Variants in CDK14 observed in about 807,000 individuals in gnomAD.
CDK14 encodes the protein cyclin dependent kinase 14.
A neutral mutation model predicts 60.7 loss-of-function variants in CDK14; 34 were observed. The observed-to-expected ratio is 0.56, with a 90% confidence interval of 0.43 to 0.75. The LOEUF is 0.75. Ranked by LOEUF, CDK14 falls within the 30% of genes least tolerant of loss-of-function variation. The pLI, the probability that CDK14 is intolerant of heterozygous loss-of-function variation, is 0.00. For missense variants in CDK14, 482 were observed against 564.1 expected (o/e 0.85, Z 1.47); for synonymous variants, 197 against 203.7 (o/e 0.97, Z 0.28).
At chr7:91,176,624 C>G (rs1425769251) in intron 14 of CDK14, among the ~76,000 whole-genome samples, 34 of 152,106 alleles carry the variant, frequency 2.2e-4, no homozygotes, top group East Asian at 7.7e-4. Flanking sequence ...TGATAAAGGG[C>G]ATATCACCAC....
rs371510411 is a variant in CDK14, at chr7:91,135,031, AAAAG to A, written c.*28+16824_*28+16827del. Among the ~76,000 whole-genome samples the A allele has an allele frequency of 5.8e-3, 884 of 152,296 alleles. 6 individuals carry two copies. The highest frequency in any genetic ancestry group is 0.021 in the African/African-American group (857 of 41,572). ...GTATACATATATATTTCTGTCAAAA[AAAAG>A]CAGTGTGTTTCATTTTAAATTTTCT... On this transcript the variant is annotated intron_variant, in intron 14 of 14. Coordinates refer to ENST00000380050, the MANE Select transcript of CDK14 (RefSeq NM_001287135.2).
chr7:90,848,228 A>G (rs911233661), intron 5 of CDK14, among the ~76,000 whole-genome samples: 1 of 152,108 alleles, frequency 6.6e-6, no homozygotes, highest in Non-Finnish European at 1.5e-5. Flanking sequence ...CAGCCTCCCA[A>G]ATAGCTGGGA....
chr7:90,685,089 C>A (rs1184770120), intron 2 of CDK14, among the ~76,000 whole-genome samples: 2 of 150,892 alleles, frequency 1.3e-5, no homozygotes, highest in East Asian at 3.9e-4. Context: ...AAAATATTTA[C>A]CTATAGTTTC....
intron 2 of CDK14, among the ~76,000 whole-genome samples, chr7:90,650,557 C>G (rs1563030760): frequency 6.6e-6 from 1 of 152,278 alleles, no homozygotes; most frequent in South Asian, 2.1e-4. Flanking sequence ...AATGGTATTG[C>G]CTAGGTTTTC....
intron 10 of CDK14, among the ~76,000 whole-genome samples, chr7:91,025,605 T>C (rs1451986036): frequency 1.3e-5 from 2 of 152,208 alleles, no homozygotes; most frequent in Non-Finnish European, 2.9e-5. Context: ...GTTGCTGCCT[T>C]CTTCTGACAA....
At chr7:90,699,884 A>T (rs1308872140) in intron 2 of CDK14, among the ~76,000 whole-genome samples, 2 of 152,182 alleles carry the variant, frequency 1.3e-5, no homozygotes, top group Non-Finnish European at 2.9e-5. Context: ...TGAGGGAATC[A>T]TGTGCTTCAG....
At chr7:90,824,793 A>G (rs1035625857) in intron 5 of CDK14, 1 of 152,208 alleles carries the variant, frequency 6.6e-6, no homozygotes, top group African/African-American at 2.4e-5. Context: ...TAATAGTTCA[A>G]GTAATAGATG....
At chr7:90,888,234 C>G (rs1221282954) in intron 6 of CDK14, among the ~76,000 whole-genome samples, 1 of 152,008 alleles carries the variant, frequency 6.6e-6, no homozygotes, top group African/African-American at 2.4e-5. Flanking sequence ...CCTGTAGTGC[C>G]AGCTACTCGA....
intron 9 of CDK14, 152 bp downstream of exon 9, chr7:90,955,969 T>A (rs1020056330): frequency 2.2e-6 from 2 of 910,810 alleles, no homozygotes; most frequent in African/African-American, 3.3e-5. Context: ...TAAAACATGA[T>A]TGGGAATGTT....
intron 14 of CDK14, among the ~76,000 whole-genome samples, chr7:91,189,053 T>C (rs893935361): frequency 1.2e-4 from 18 of 152,342 alleles, no homozygotes; most frequent in African/African-American, 4.3e-4. Flanking sequence ...TTCCTCTTCG[T>C]CATTTTACTT....
At chr7:90,684,019 A>G (rs1443905045) in intron 2 of CDK14, among the ~76,000 whole-genome samples, 1 of 152,138 alleles carries the variant, frequency 6.6e-6, no homozygotes, top group Non-Finnish European at 1.5e-5. Context: ...GTGTCCACTT[A>G]TAACCTTAAT....
chr7:90,958,193 C>T (rs1160656869), intron 9 of CDK14, among the ~76,000 whole-genome samples: 2 of 152,062 alleles, frequency 1.3e-5, no homozygotes, highest in East Asian at 3.9e-4. Flanking sequence ...AATCAAGTTT[C>T]TCATGATCTA....
At chr7:91,187,754 C>T (rs1043942903) in intron 14 of CDK14, among the ~76,000 whole-genome samples, 2 of 152,132 alleles carry the variant, frequency 1.3e-5, no homozygotes, top group African/African-American at 2.4e-5. Flanking sequence ...CTTGAGGAGG[C>T]GGTGACTGAT....
At chr7:90,920,366 A>G (rs1276896222) in intron 8 of CDK14, among the ~76,000 whole-genome samples, 1 of 152,246 alleles carries the variant, frequency 6.6e-6, no homozygotes, top group Non-Finnish European at 1.5e-5. Context: ...ATTGTAAATG[A>G]TACTACTTTT....
At chr7:91,035,904 C>T (rs938374266) in intron 10 of CDK14, among the ~76,000 whole-genome samples, 6 of 129,110 alleles carry the variant, frequency 4.6e-5, no homozygotes, top group Non-Finnish European at 9.2e-5. Context: ...ACTGCAGTGG[C>T]GCAATCTCGG....
chr7:91,127,124 G>A (rs2116410787), intron 14 of CDK14, among the ~76,000 whole-genome samples: 1 of 152,228 alleles, frequency 6.6e-6, no homozygotes, highest in Middle Eastern at 3.4e-3. Context: ...ACCCAATAGG[G>A]AAAATGATTG....
chr7:90,743,447 A>T (rs886292265), intron 3 of CDK14, among the ~76,000 whole-genome samples: 1 of 151,930 alleles, frequency 6.6e-6, no homozygotes. Context: ...CTAATCTATG[A>T]TTTTTTTTGG....
intron 14 of CDK14, among the ~76,000 whole-genome samples, chr7:91,138,616 T>C (rs1800355395): frequency 6.6e-6 from 1 of 152,178 alleles, no homozygotes; most frequent in African/African-American, 2.4e-5. Flanking sequence ...GAAATATTTT[T>C]ATTATTGTTC....
At chr7:90,937,464 G>A (rs914632621) in intron 8 of CDK14, among the ~76,000 whole-genome samples, 4 of 152,150 alleles carry the variant, frequency 2.6e-5, no homozygotes, top group Non-Finnish European at 5.9e-5. Context: ...ATCTCAGAAA[G>A]TATCCTGGTT....
Sources: allele counts gnomAD v4.1 joint callset (sites outside exome capture counted in the v4.1 genomes callset), GRCh38; gene constraint gnomAD v4.1.1; transcripts MANE v1.5; gene names NCBI Gene and HGNC (gene_info 2026-07-23, HGNC 2026-07-21).